The following PSD3 variants were observed in gnomAD, a reference collection of about 807,000 sequenced individuals.
PSD3 encodes PH and SEC7 domain-containing protein 3.
Under a neutral mutation model 105.5 loss-of-function variants are expected in PSD3, and 49 were observed. The observed-to-expected ratio is 0.46, with a 90% CI of 0.37 to 0.59. PSD3 has a LOEUF of 0.59. Among genes scored for constraint, PSD3 ranks in the 20% least tolerant of loss-of-function variants. The pLI, the probability that PSD3 is intolerant of heterozygous loss-of-function variation, is 0.00. For synonymous variants in PSD3, 557 were observed against 457.8 expected, an observed-to-expected ratio of 1.22 and a Z score of -2.77; for missense variants, 1,561 against 1,263.8, an observed-to-expected ratio of 1.24 and a Z score of -3.57.
chr8:18,575,118 C>T lies in PSD3; in HGVS notation c.2639+10G>A. ...AAACACAAAATCAAATAAAAACCAACAAAACATACTGAGTTTGAAAAAGCA... is the reference window on the plus strand; with the variant it reads ...AAACACAAAATCAAATAAAAACCAATAAAACATACTGAGTTTGAAAAAGCA... On this transcript the variant is annotated intron_variant, in intron 13 of 15. Transcript: ENST00000327040. 6.2e-7 allele frequency: 1 copy of T among 1,608,588 alleles called. No individual in the cohort carries two copies. Among genetic ancestry groups the T allele is most frequent in the East Asian group, 2.2e-5 (1 of 44,698 alleles).
intron 4 of PSD3, among the ~76,000 whole-genome samples, chr8:18,825,159 T>A (rs984696267): frequency 6.6e-6 from 1 of 152,154 alleles, no homozygotes. Flanking sequence ...TGGGAAATTG[T>A]TAGAGGCAAC....
chr8:18,989,115 G>C (rs1825658306), intron 1 of PSD3, among the ~76,000 whole-genome samples: 1 of 152,224 alleles, frequency 6.6e-6, no homozygotes, highest in African/African-American at 2.4e-5. Flanking sequence ...TAGCATGCCA[G>C]AGATGACAAA....
chr8:18,632,904 T>A (rs565455617), intron 10 of PSD3, 98 bp from the exon 11 acceptor site: 1 of 944,694 alleles, frequency 1.1e-6, no homozygotes, highest in East Asian at 2.7e-5. Flanking sequence ...ATTCCAATGG[T>A]GTATCACTTT....
intron 12 of PSD3, among the ~76,000 whole-genome samples, chr8:18,600,117 G>C (rs1243956375): frequency 6.6e-6 from 1 of 152,166 alleles, no homozygotes; most frequent in African/African-American, 2.4e-5. Flanking sequence ...TGGACAAAGG[G>C]ATGATTCACA....
chr8:18,557,785 A>T (rs1325006508), intron 14 of PSD3, among the ~76,000 whole-genome samples: 1 of 152,226 alleles, frequency 6.6e-6, no homozygotes, highest in Non-Finnish European at 1.5e-5. Flanking sequence ...TAATGCTGAA[A>T]GTCAAAAATG....
intron 14 of PSD3, among the ~76,000 whole-genome samples, chr8:18,572,081 G>A (rs193228477): frequency 6.6e-6 from 1 of 152,170 alleles, no homozygotes; most frequent in Non-Finnish European, 1.5e-5. Context: ...CTGAGGGGTA[G>A]GGCAGGCCAT....
chr8:18,566,450 C>T (rs549270107), intron 14 of PSD3, among the ~76,000 whole-genome samples: 1 of 149,718 alleles, frequency 6.7e-6, no homozygotes, highest in Non-Finnish European at 1.5e-5. Context: ...GGCATGAACC[C>T]GGGAGGTGGG....
intron 11 of PSD3, among the ~76,000 whole-genome samples, chr8:18,606,846 T>C (rs1279755301): frequency 2.0e-5 from 3 of 152,198 alleles, no homozygotes; most frequent in Non-Finnish European, 4.4e-5. Flanking sequence ...GCTAACGTTA[T>C]ACCTATACGT....
At chr8:18,786,198 C>G (rs539131474) in intron 8 of PSD3, among the ~76,000 whole-genome samples, 1 of 151,906 alleles carries the variant, frequency 6.6e-6, no homozygotes. Flanking sequence ...AGCGAGACTC[C>G]GTTTCAAACA....
At chr8:18,571,802 G>C (rs753329248) in intron 14 of PSD3, among the ~76,000 whole-genome samples, 1 of 152,188 alleles carries the variant, frequency 6.6e-6, no homozygotes, top group Non-Finnish European at 1.5e-5. Context: ...TATGTAATAA[G>C]AAATTCACAA....
intron 15 of PSD3, among the ~76,000 whole-genome samples, chr8:18,538,919 G>T (rs555451013): frequency 1.3e-5 from 2 of 152,292 alleles, no homozygotes; most frequent in South Asian, 2.1e-4. Context: ...AAAAAAGGGG[G>T]TGAGAGGGGC....
chr8:18,564,299 G>A (rs191579767), intron 14 of PSD3, among the ~76,000 whole-genome samples: 17 of 152,240 alleles, frequency 1.1e-4, no homozygotes, highest in African/African-American at 3.9e-4. Context: ...GATCTAGGTA[G>A]AATATGACAA....
intron 10 of PSD3, among the ~76,000 whole-genome samples, chr8:18,650,442 C>T (rs536369882): frequency 8.5e-4 from 129 of 152,326 alleles, no homozygotes; most frequent in African/African-American, 2.9e-3. Context: ...AGATGCTTCA[C>T]TAATAATGAA....
chr8:18,804,446 C>G lies in PSD3; in HGVS notation c.1910+76G>C, dbSNP rs576448766. The stretch of plus-strand genomic sequence containing the variant: ...TTAAAAAAAAAAAATAAGATTCTAG[C>G]TAGAAGACATTACTTTCTTCTCTAA... On this transcript the variant is annotated intron_variant, in intron 6 of 15. Coordinates refer to ENST00000327040, the MANE Select transcript of PSD3 (RefSeq NM_015310.4). 19 of 1,261,922 alleles carry G rather than the reference C, an allele frequency of 1.5e-5. No homozygotes were observed. In the South Asian group the frequency reaches 2.2e-4, roughly 15 times the overall value. 78.2% of individuals were successfully genotyped at this position (1,261,922 alleles called of 1,614,324 possible).
chr8:18,872,224 G>C lies in PSD3; in HGVS notation c.640C>G (p.Gln214Glu). The C allele has an allele frequency of 6.2e-7, 1 of 1,614,154 alleles. No individual in the cohort carries two copies. Among genetic ancestry groups the C allele is most frequent in the African/African-American group, 1.3e-5 (1 of 75,042 alleles). The change falls in exon 3 of 16, where the codon CAG (glutamine) becomes GAG (glutamate). Residue 214 changes from glutamine to glutamate, a missense_variant. Gln to Glu is a conservative substitution (Grantham distance 29). Transcript: ENST00000327040. The stretch of plus-strand genomic sequence containing the variant: ...GTTAACAGCGCGGTGAGATCTTTCT[G>C]GATGCTCAAATAAAAACTTTCCTCC... ...TTEESFYLSI[Q>E]KDLTALLTGD...
intron 4 of PSD3, among the ~76,000 whole-genome samples, chr8:18,839,331 T>C (rs1203162650): frequency 1.3e-5 from 2 of 152,206 alleles, no homozygotes; most frequent in Non-Finnish European, 2.9e-5. Context: ...TCTATGTTTT[T>C]ATAGGAAAAT....
intron 8 of PSD3, among the ~76,000 whole-genome samples, chr8:18,798,319 T>C (rs1464004312): frequency 6.6e-6 from 1 of 152,164 alleles, no homozygotes; most frequent in Non-Finnish European, 1.5e-5. Flanking sequence ...GCTGAGTATT[T>C]TGAGATATGT....
chr8:18,817,844 G>A (rs1478124159), intron 4 of PSD3, among the ~76,000 whole-genome samples: 1 of 152,202 alleles, frequency 6.6e-6, no homozygotes, highest in Non-Finnish European at 1.5e-5. Flanking sequence ...CAAAAGCAAA[G>A]TGGACAGAAT....
chr8:18,558,884 T>G (rs904139959), intron 14 of PSD3, among the ~76,000 whole-genome samples: 3 of 152,236 alleles, frequency 2.0e-5, no homozygotes, highest in African/African-American at 7.2e-5. Context: ...ATATAAAAAC[T>G]AATTAAAGGC....
Sources: allele counts gnomAD v4.1 joint callset (sites outside exome capture counted in the v4.1 genomes callset), GRCh38; gene constraint gnomAD v4.1.1; transcripts MANE v1.5; gene names NCBI Gene and HGNC (gene_info 2026-07-23, HGNC 2026-07-21).